Variants in OR51B5 observed in about 807,000 individuals in gnomAD.
OR51B5 encodes the protein olfactory receptor family 51 subfamily B member 5.
For synonymous variants in OR51B5, 186 were observed against 144.8 expected, an observed-to-expected ratio of 1.28 and a Z score of -2.04; for missense variants, 456 against 374.6, an observed-to-expected ratio of 1.22 and a Z score of -1.79.
chr11:5,352,318 C>T, intron 1 of OR51B5: 1 of 1,613,984 alleles, frequency 6.2e-7, no homozygotes, highest in Non-Finnish European at 8.5e-7. Context: ...TCATGTCGTT[C>T]ACATCACAAT....
chr11:5,473,641 T>A (rs1430546114), intron 1 of OR51B5, among the ~76,000 whole-genome samples: 2 of 152,190 alleles, frequency 1.3e-5, no homozygotes, highest in African/African-American at 4.8e-5. Flanking sequence ...TTATCATACT[T>A]GAAAGCAATA....
intron 1 of OR51B5, among the ~76,000 whole-genome samples, chr11:5,358,833 T>A (rs1849235021): frequency 1.3e-5 from 2 of 152,018 alleles, no homozygotes; most frequent in Admixed American, 1.3e-4. Context: ...GCAAGGCTGG[T>A]TCAACATATG....
chr11:5,422,761 C>T (rs762407985), intron 1 of OR51B5: 28 of 1,614,036 alleles, frequency 1.7e-5, no homozygotes, highest in Non-Finnish European at 2.4e-5. Context: ...AGGATATGAT[C>T]CGCCTGGTCT....
At chr11:5,402,538 C>G in intron 1 of OR51B5, 4 of 410,322 alleles carry the variant, frequency 9.7e-6, no homozygotes, top group Non-Finnish European at 2.0e-5. Flanking sequence ...ATGATGTCAT[C>G]TCACTAGTTT....
intron 1 of OR51B5, among the ~76,000 whole-genome samples, chr11:5,417,583 A>G (rs945703084): frequency 2.8e-5 from 4 of 144,652 alleles, no homozygotes; most frequent in African/African-American, 7.4e-5. Flanking sequence ...ATTTACAAGA[A>G]AAAAAAAACC....
intron 1 of OR51B5, among the ~76,000 whole-genome samples, chr11:5,468,161 G>GT (rs1387399904): frequency 6.6e-6 from 1 of 152,200 alleles, no homozygotes; most frequent in Non-Finnish European, 1.5e-5. Context: ...GTATGCATTA[G>GT]TTTTTGTCTG....
At chr11:5,468,424 G>A in intron 1 of OR51B5, 1 of 320,980 alleles carries the variant, frequency 3.1e-6, no homozygotes, top group South Asian at 2.5e-5. Flanking sequence ...GACTAACCTG[G>A]TACACCCAAA....
At chr11:5,488,540 G>C in intron 1 of OR51B5, 1 of 599,766 alleles carries the variant, frequency 1.7e-6, no homozygotes, top group Non-Finnish European at 3.0e-6. Flanking sequence ...TGAATTATAT[G>C]TGGTAGTCAT....
chr11:5,390,522 T>G, intron 1 of OR51B5: 1 of 664,672 alleles, frequency 1.5e-6, no homozygotes, highest in East Asian at 2.8e-5. Context: ...ATGTCTGGAG[T>G]TGTGGCTTTA....
At chr11:5,384,674 C>T (rs11037137) in intron 1 of OR51B5, among the ~76,000 whole-genome samples, 1 of 152,126 alleles carries the variant, frequency 6.6e-6, no homozygotes, top group Non-Finnish European at 1.5e-5. Context: ...TTACTCTCAT[C>T]AGAAAAACAG....
intron 1 of OR51B5, among the ~76,000 whole-genome samples, chr11:5,429,820 A>C (rs976148999): frequency 6.6e-6 from 1 of 152,232 alleles, no homozygotes. Flanking sequence ...TGTTTATCTA[A>C]AATTGAGCCT....
intron 1 of OR51B5, chr11:5,422,238 A>T (rs1850351383): frequency 1.2e-6 from 2 of 1,613,396 alleles, no homozygotes; most frequent in African/African-American, 2.7e-5. Flanking sequence ...GAAGGCATCT[A>T]CTTCATCCTC....
intron 1 of OR51B5, among the ~76,000 whole-genome samples, chr11:5,356,667 A>G (rs1392151093): frequency 8.0e-6 from 1 of 125,292 alleles, no homozygotes; most frequent in Non-Finnish European, 1.8e-5. Flanking sequence ...TACAAGGCAC[A>G]TAATTGTCAG....
chr11:5,394,078 A>G (rs1351324266), intron 1 of OR51B5, among the ~76,000 whole-genome samples: 1 of 152,188 alleles, frequency 6.6e-6, no homozygotes, highest in Non-Finnish European at 1.5e-5. Flanking sequence ...ATACTTTTTA[A>G]TAGACTTGAT....
At chr11:5,347,468 A>G (rs10768831), upstream of OR51B5, among the ~76,000 whole-genome samples, 45,019 of 151,954 alleles carry the variant, frequency 0.3, 7,376 homozygotes, top group Non-Finnish European at 0.38. Context: ...TCTCTTTTCC[A>G]GGGGATGCAG....
At chr11:5,366,089 G>T (rs1217677740) in intron 1 of OR51B5, among the ~76,000 whole-genome samples, 2 of 152,124 alleles carry the variant, frequency 1.3e-5, no homozygotes, top group Non-Finnish European at 2.9e-5. Context: ...TTGCTGAGGG[G>T]TATGCTTACT....
chr11:5,372,510 T>G (rs974612941), intron 1 of OR51B5, among the ~76,000 whole-genome samples: 2 of 152,306 alleles, frequency 1.3e-5, no homozygotes, highest in South Asian at 4.1e-4. Flanking sequence ...TTCCTGATGA[T>G]TGGTGATGTA....
downstream of OR51B5, chr11:5,342,421 TA>T: frequency 2.6e-6 from 1 of 377,530 alleles, no homozygotes; most frequent in Non-Finnish European, 3.6e-6. Flanking sequence ...TACATTTAGC[TA>T]AAGAGTTGGG....
chr11:5,369,018 C>A (rs1384779470), intron 1 of OR51B5, among the ~76,000 whole-genome samples: 1 of 152,088 alleles, frequency 6.6e-6, no homozygotes, highest in Non-Finnish European at 1.5e-5. Context: ...AGTTTTTAGC[C>A]TCCTTCTGGG....
Sources: allele counts gnomAD v4.1 joint callset (sites outside exome capture counted in the v4.1 genomes callset), GRCh38; gene constraint gnomAD v4.1.1; transcripts MANE v1.5; gene names NCBI Gene and HGNC (gene_info 2026-07-23, HGNC 2026-07-21).